MAF: variants seen among roughly 807,000 people sequenced by gnomAD.
MAF encodes transcription factor Maf.
MAF carries 10 observed loss-of-function variants against 22.0 expected under a neutral mutation model. That is an observed-to-expected ratio of 0.45 (90% CI 0.28 to 0.77). The LOEUF is 0.77. Ranked by LOEUF, MAF falls within the 30% of genes least tolerant of loss-of-function variation. The pLI is 0.12. For missense variants in MAF, 544 were observed against 548.4 expected (o/e 0.99, Z 0.08); for synonymous variants, 337 against 255.8 (o/e 1.32, Z -3.03).
chr16:79,505,215 C>A, the MAF span, among the ~76,000 whole-genome samples: 11 of 152,106 alleles, frequency 7.2e-5, no homozygotes, highest in Non-Finnish European at 1.2e-4. Flanking sequence ...TGACATTTTT[C>A]TTTTCTGAAA....
At chr16:79,248,204 G>A in the MAF span, among the ~76,000 whole-genome samples, 1 of 151,284 alleles carries the variant, frequency 6.6e-6, no homozygotes, top group Admixed American at 6.6e-5. Flanking sequence ...TCATGGTTAA[G>A]CCAAGCAGAG....
At chr16:79,326,363 A>G in the MAF span, among the ~76,000 whole-genome samples, 177 of 152,318 alleles carry the variant, frequency 1.2e-3, 1 homozygote, top group African/African-American at 4.2e-3. Context: ...ACTTTCTAAA[A>G]AAGTTGATGA....
the MAF span, among the ~76,000 whole-genome samples, chr16:79,490,617 C>CAA: frequency 1.6e-5 from 1 of 64,036 alleles, no homozygotes; most frequent in South Asian, 6.3e-4. Flanking sequence ...CATACACAGA[C>CAA]ACACACACTC....
chr16:79,216,129 GTATA>G, the MAF span, among the ~76,000 whole-genome samples: 38 of 150,812 alleles, frequency 2.5e-4, no homozygotes, highest in African/African-American at 7.2e-4. Flanking sequence ...GTGCACATCT[GTATA>G]TGTATATGTC....
chr16:79,487,320 C>A, the MAF span, among the ~76,000 whole-genome samples: 1 of 151,908 alleles, frequency 6.6e-6, no homozygotes, highest in Non-Finnish European at 1.5e-5. Flanking sequence ...GAGGCATCGA[C>A]GGAAAGCAGC....
the MAF span, among the ~76,000 whole-genome samples, chr16:79,222,607 A>C: frequency 3.9e-5 from 6 of 152,214 alleles, no homozygotes; most frequent in African/African-American, 1.2e-4. Flanking sequence ...GTCAAGACCC[A>C]TCCTGTGCTG....
chr16:79,217,669 T>A, the MAF span, among the ~76,000 whole-genome samples: 1 of 152,166 alleles, frequency 6.6e-6, no homozygotes, highest in Non-Finnish European at 1.5e-5. Context: ...TGCAGTCGTT[T>A]TCTTCCAAGT....
At chr16:79,356,070 C>T in the MAF span, among the ~76,000 whole-genome samples, 1 of 151,924 alleles carries the variant, frequency 6.6e-6, no homozygotes, top group African/African-American at 2.4e-5. Flanking sequence ...CACGTGCATC[C>T]CCAGGCACTC....
downstream of MAF, among the ~76,000 whole-genome samples, chr16:79,591,133 A>G (rs1913168115): frequency 6.6e-6 from 1 of 152,138 alleles, no homozygotes; most frequent in Non-Finnish European, 1.5e-5. Context: ...TCCCTAACGG[A>G]AAGGACCAAC....
chr16:79,501,266 T>C, the MAF span, among the ~76,000 whole-genome samples: 1 of 152,200 alleles, frequency 6.6e-6, no homozygotes, highest in Non-Finnish European at 1.5e-5. Flanking sequence ...CTTTTCCCTC[T>C]GTATCTGTCT....
chr16:79,391,402 A>C, the MAF span, among the ~76,000 whole-genome samples: 7 of 152,192 alleles, frequency 4.6e-5, no homozygotes, highest in Non-Finnish European at 1.0e-4. Flanking sequence ...AAGCAGAGCC[A>C]CAGATAGGAG....
chr16:79,579,162 A>G, the MAF span, among the ~76,000 whole-genome samples: 7 of 152,186 alleles, frequency 4.6e-5, no homozygotes, highest in Non-Finnish European at 8.8e-5. Context: ...TAGTGCGCAT[A>G]CTCTGACTCT....
chr16:79,301,753 T>A, the MAF span, among the ~76,000 whole-genome samples: 326 of 152,328 alleles, frequency 2.1e-3, 2 homozygotes, highest in African/African-American at 7.6e-3. Flanking sequence ...CACACACATA[T>A]GTAGCCATCA....
chr16:79,368,308 A>G, the MAF span, among the ~76,000 whole-genome samples: 10 of 152,082 alleles, frequency 6.6e-5, no homozygotes, highest in Non-Finnish European at 1.5e-4. Context: ...GAAATCATCC[A>G]TAAGAGAAGG....
At chr16:79,300,835 A>G in the MAF span, among the ~76,000 whole-genome samples, 2 of 152,114 alleles carry the variant, frequency 1.3e-5, no homozygotes, top group Non-Finnish European at 2.9e-5. Context: ...GATTATTCAG[A>G]AGTCCATTGT....
the MAF span, among the ~76,000 whole-genome samples, chr16:79,467,130 C>A: frequency 1.3e-5 from 2 of 152,172 alleles, no homozygotes; most frequent in Non-Finnish European, 2.9e-5. Flanking sequence ...GGATGCTGAT[C>A]AAACCCCTTA....
At chr16:79,484,213 C>T in the MAF span, among the ~76,000 whole-genome samples, 3 of 152,336 alleles carry the variant, frequency 2.0e-5, no homozygotes, top group Admixed American at 6.5e-5. Context: ...ACCAAGGCAA[C>T]CGTCCAGGTC....
chr16:79,584,867 G>T (rs1912744202), downstream of MAF, among the ~76,000 whole-genome samples: 1 of 152,180 alleles, frequency 6.6e-6, no homozygotes, highest in African/African-American at 2.4e-5. Context: ...CCGTGTAGAA[G>T]TAAGTAATCA....
the MAF span, among the ~76,000 whole-genome samples, chr16:79,348,770 G>A: frequency 5.3e-5 from 8 of 152,188 alleles, no homozygotes; most frequent in Non-Finnish European, 1.5e-5. Context: ...AGCAATTCTA[G>A]TGATTCTTAT....
Sources: gnomAD v4.1 joint callset for allele counts (sites outside exome capture counted in the v4.1 genomes callset) on GRCh38, gnomAD v4.1.1 for gene constraint, MANE v1.5 for transcripts, NCBI Gene and HGNC (gene_info 2026-07-23, HGNC 2026-07-21) for gene names.